The following PRMT8 variants were observed in gnomAD, a reference collection of about 807,000 sequenced individuals.
The protein encoded by PRMT8 is protein arginine N-methyltransferase 8.
Under a neutral mutation model 47.1 loss-of-function variants are expected in PRMT8, and 7 were observed. The ratio of observed to expected loss-of-function variants is 0.15; its 90% CI spans 0.08 to 0.28. The LOEUF is 0.28. Among genes scored for constraint, PRMT8 ranks in the 10% least tolerant of loss-of-function variants. The pLI, the probability that PRMT8 is intolerant of heterozygous loss-of-function variation, is 1.00. For synonymous variants in PRMT8, 188 were observed against 186.5 expected (o/e 1.01, Z -0.07); for missense variants, 237 against 505.4 (o/e 0.47, Z 5.09).
Position 3,508,776 on chromosome 12 carries a change from G to A in PRMT8, c.75+17076G>A, listed in dbSNP as rs937226076. 2.0e-5 allele frequency among the ~76,000 whole-genome samples: 3 copies of A among 152,112 alleles called. No homozygotes were observed. The highest frequency in any genetic ancestry group is 4.8e-5 in the African/African-American group (2 of 41,418). On this transcript the variant is annotated intron_variant, in intron 1 of 9. Transcript: ENST00000382622. The surrounding 1 kb of genome is among the most constrained non-coding windows in gnomAD (Gnocchi z 4.9). ...ACGCGAGGCATAGCTGCCTGCCTGC[G>A]GGACATCTTCACTGAGATGTCTCAT...
intron 1 of PRMT8, among the ~76,000 whole-genome samples, chr12:3,496,214 A>ATTTTTTTTTTTTTTTTTTTTTTTTTTTTT (rs1555085718): frequency 3.6e-5 from 1 of 27,756 alleles, no homozygotes; most frequent in Non-Finnish European, 7.9e-5. Context: ...ATATATATAT[A>ATTTTTTTTTTTTTTTTTTTTTTTTTTTTT]TTTTTTTTTT....
At chr12:3,584,809 C>T (rs1371219932) in intron 8 of PRMT8, among the ~76,000 whole-genome samples, 1 of 152,082 alleles carries the variant, frequency 6.6e-6, no homozygotes, top group Non-Finnish European at 1.5e-5. Flanking sequence ...GTTGTGTGAA[C>T]CCTTTGCCCA....
chr12:3,398,060 TCGGCTCGCGCA>T (rs1864277983), intron 1 of PRMT8, among the ~76,000 whole-genome samples: 1 of 152,192 alleles, frequency 6.6e-6, no homozygotes, highest in African/African-American at 2.4e-5. Flanking sequence ...TCGCCCTGCT[TCGGCTCGCGCA>T]CGGTGCGCGC....
chr12:3,487,592 A>G (rs1865334653), upstream of PRMT8, among the ~76,000 whole-genome samples: 1 of 152,134 alleles, frequency 6.6e-6, no homozygotes, highest in South Asian at 2.1e-4. Flanking sequence ...TACGCCAACA[A>G]TTAATCTAAC....
At chr12:3,382,131 C>T (rs779975788) in intron 1 of PRMT8, among the ~76,000 whole-genome samples, 6 of 152,140 alleles carry the variant, frequency 3.9e-5, no homozygotes, top group Non-Finnish European at 8.8e-5. Context: ...ACCATTCACT[C>T]ACTGAAGAGC....
chr12:3,419,019 C>G (rs758187666), intron 1 of PRMT8, among the ~76,000 whole-genome samples: 1 of 152,202 alleles, frequency 6.6e-6, no homozygotes, highest in African/African-American at 2.4e-5. Context: ...TTTTTAAAGC[C>G]GTTGGGTTGC....
intron 1 of PRMT8, among the ~76,000 whole-genome samples, chr12:3,391,607 A>G (rs1018027793): frequency 1.3e-5 from 2 of 152,192 alleles, no homozygotes; most frequent in African/African-American, 4.8e-5. Flanking sequence ...TCTGAGTGGA[A>G]TGCGAAGCCA....
intron 1 of PRMT8, among the ~76,000 whole-genome samples, chr12:3,477,004 C>G (rs991690452): frequency 9.9e-5 from 15 of 152,164 alleles, no homozygotes; most frequent in African/African-American, 3.6e-4. Context: ...TTTGTAGGGT[C>G]AGCCTGGAGT....
chr12:3,505,012 T>C (rs1591574035), intron 1 of PRMT8, among the ~76,000 whole-genome samples: 2 of 131,826 alleles, frequency 1.5e-5, no homozygotes, highest in East Asian at 4.5e-4. Context: ...GGGAACTCCC[T>C]GACCCCTTGC....
intron 8 of PRMT8, among the ~76,000 whole-genome samples, chr12:3,587,272 A>G (rs988912393): frequency 6.7e-6 from 1 of 149,616 alleles, no homozygotes. Context: ...ACTATTAACT[A>G]GAATGTAAAT....
chr12:3,457,866 T>TTA, intron 1 of PRMT8, among the ~76,000 whole-genome samples: 1 of 81,426 alleles, frequency 1.2e-5, no homozygotes, highest in South Asian at 4.1e-4. Flanking sequence ...TTTTTTTTTT[T>TTA]AAGACAGCGT....
intron 8 of PRMT8, among the ~76,000 whole-genome samples, chr12:3,588,097 G>A (rs1219929188): frequency 6.6e-6 from 1 of 152,180 alleles, no homozygotes; most frequent in African/African-American, 2.4e-5. Context: ...CTGGGTGCAA[G>A]CCCTGGTTTT....
chr12:3,540,616 C>CCCCCCCG lies in PRMT8; in HGVS notation c.90_91insCCGCCCC (p.Ser31ProfsTer13). 7.2e-6 allele frequency: 8 copies of CCCCCCCG among 1,116,940 alleles called. No individual in the cohort carries two copies. Among genetic ancestry groups the CCCCCCCG allele is most frequent in the African/African-American group, 1.5e-5 (1 of 64,866 alleles). The allele number at this position is 1,116,940 out of a possible 1,614,324, so 69.2% of individuals were successfully genotyped here. A position where few individuals can be genotyped will look rare whatever the true frequency, so the allele number is the denominator to read the frequency against. On this transcript the variant is annotated frameshift_variant, in exon 2 of 10. Transcript: ENST00000382622. LOFTEE classifies it high-confidence loss of function. ...TTCTCTTCCCCTCAGGTGAACAGCCCCCCCTCCCAGCCCCCCCAGCCCGTC... is the reference window on the plus strand; with the variant it reads ...TTCTCTTCCCCTCAGGTGAACAGCCCCCCCCCGCCCCTCCCAGCCCCCCCAGCCCGTC...
At chr12:3,522,722 C>G (rs995462618) in intron 1 of PRMT8, among the ~76,000 whole-genome samples, 20 of 148,710 alleles carry the variant, frequency 1.3e-4, no homozygotes, top group African/African-American at 5.0e-4. Flanking sequence ...ACCACCAAAC[C>G]ACCGTGCAAA....
At position 3,566,723 on chromosome 12, in the gene PRMT8, G is replaced by A. The variant is rs1456939913; in HGVS notation, c.482-1983G>A. On this transcript the variant is annotated intron_variant, in intron 4 of 9. Transcript: ENST00000382622. This position sits in a 1 kb window ranked among gnomAD's most constrained non-coding sequence, Gnocchi z 4.7. ...TTTCATGAAACTCAGATTCTAGGCA[G>A]ATGTGGTTCTTTTGATTTTTACTCC... is the stretch of plus-strand genomic sequence containing the variant. Among the ~76,000 whole-genome samples the A allele has an allele frequency of 6.6e-6, 1 of 152,216 alleles. No homozygotes were observed. Among genetic ancestry groups the A allele is most frequent in the Non-Finnish European group, 1.5e-5 (1 of 68,044 alleles).
chr12:3,455,564 A>G (rs1025833238), intron 1 of PRMT8, among the ~76,000 whole-genome samples: 2 of 152,100 alleles, frequency 1.3e-5, no homozygotes, highest in African/African-American at 4.8e-5. Context: ...CTCTTCACAC[A>G]TGCATGGGAG....
intron 1 of PRMT8, among the ~76,000 whole-genome samples, chr12:3,467,968 A>G (rs1865120433): frequency 6.6e-6 from 1 of 152,182 alleles, no homozygotes; most frequent in Admixed American, 6.5e-5. Context: ...GCTCTTGTCC[A>G]AGAAGGGAGG....
At chr12:3,517,762 C>T (rs1865818155) in intron 1 of PRMT8, among the ~76,000 whole-genome samples, 1 of 152,080 alleles carries the variant, frequency 6.6e-6, no homozygotes, top group Non-Finnish European at 1.5e-5. Flanking sequence ...CTAACATTCT[C>T]CCAGATAGTC....
intron 1 of PRMT8, among the ~76,000 whole-genome samples, chr12:3,398,713 A>T (rs1465262841): frequency 6.6e-6 from 1 of 152,202 alleles, no homozygotes; most frequent in Non-Finnish European, 1.5e-5. Context: ...GGAGACTGGT[A>T]GAGTCAAGAC....
Sources: gnomAD v4.1 joint callset for allele counts (sites outside exome capture counted in the v4.1 genomes callset) on GRCh38, gnomAD v4.1.1 for gene constraint, Gnocchi (gnomAD v3.1) non-coding constraint, MANE v1.5 for transcripts, NCBI Gene and HGNC (gene_info 2026-07-23, HGNC 2026-07-21) for gene names.